The following SGK3 variants were observed in gnomAD, a reference collection of about 807,000 sequenced individuals.
The protein encoded by SGK3 is serum/glucocorticoid regulated kinase family member 3, also known as serine/threonine-protein kinase Sgk3.
Under a neutral mutation model 68.5 loss-of-function variants are expected in SGK3, and 47 were observed. The observed-to-expected ratio is 0.69, with a 90% CI of 0.54 to 0.87. SGK3 has a LOEUF of 0.87. SGK3 is among the 40% of genes least tolerant of loss of function. The probability of loss-of-function intolerance (pLI) is 0.00; values close to 1 mark genes in which losing one functional copy is unlikely to be tolerated. For synonymous variants in SGK3, 181 were observed against 189.1 expected (o/e 0.96, Z 0.35); for missense variants, 479 against 575.5 (o/e 0.83, Z 1.72).
chr8:66,795,530 C>T (rs1254859919), intron 2 of SGK3, among the ~76,000 whole-genome samples: 4 of 152,102 alleles, frequency 2.6e-5, no homozygotes, highest in African/African-American at 9.7e-5. Flanking sequence ...ATTCTTTTCT[C>T]GAGGGGATAC....
intron 16 of SGK3, among the ~76,000 whole-genome samples, chr8:66,854,945 T>C (rs752070431): frequency 6.6e-5 from 10 of 151,762 alleles, no homozygotes; most frequent in Non-Finnish European, 8.8e-5. Context: ...GCCCAGGAGT[T>C]CAAGACCAGC....
At chr8:66,747,559 T>A (rs1219675766) in intron 1 of SGK3, among the ~76,000 whole-genome samples, 2 of 152,028 alleles carry the variant, frequency 1.3e-5, no homozygotes, top group African/African-American at 4.8e-5. Flanking sequence ...TGACTTTTCT[T>A]TTGCCATTTT....
chr8:66,725,022 C>T (rs1235036397), intron 1 of SGK3, among the ~76,000 whole-genome samples: 3 of 152,020 alleles, frequency 2.0e-5, no homozygotes, highest in East Asian at 1.9e-4. Flanking sequence ...GTCAGGAGAT[C>T]GAGACCATCC....
At chr8:66,745,538 C>T (rs1054145210) in intron 1 of SGK3, among the ~76,000 whole-genome samples, 3 of 151,996 alleles carry the variant, frequency 2.0e-5, no homozygotes, top group Non-Finnish European at 4.4e-5. Flanking sequence ...CACGCCACTG[C>T]ACTCCAGCCT....
rs1429261706 is a variant in SGK3 at position 66,836,051 on chromosome 8, C to G, written c.718C>G (p.Leu240Val). The G allele has an allele frequency of 6.2e-7, 1 of 1,612,468 alleles. No homozygotes were observed. The highest frequency in any genetic ancestry group is 1.7e-4 in the Middle Eastern group (1 of 6,044). Residue 240 changes from leucine (L) to valine (V), a missense_variant, in exon 10 of 17, where the codon CTG (leucine) becomes GTG (valine). By Grantham distance (32) the Leu-to-Val change is conservative. This residue lies in a region of SGK3 where 298 missense variants were observed against 329.4 expected (regional missense o/e 0.90). Transcript: ENST00000521198. ...AACAACTGAAAAGCTTTATTTTGTTCTGGATTTTGTTAATGGAGGGGAGGT... is the reference window on the plus strand; with the variant it reads ...AACAACTGAAAAGCTTTATTTTGTTGTGGATTTTGTTAATGGAGGGGAGGT... ...FQTTEKLYFVLDFVNGGELFF... is the reference protein window; with the variant it reads ...FQTTEKLYFVVDFVNGGELFF...
chr8:66,762,319 G>C (rs1806197890), intron 1 of SGK3, among the ~76,000 whole-genome samples: 1 of 152,118 alleles, frequency 6.6e-6, no homozygotes, highest in Admixed American at 6.5e-5. Flanking sequence ...AGGAGATCGA[G>C]ACCATACAAA....
intron 10 of SGK3, among the ~76,000 whole-genome samples, chr8:66,836,313 G>A (rs1003818552): frequency 1.3e-5 from 2 of 152,114 alleles, no homozygotes; most frequent in Admixed American, 1.3e-4. Flanking sequence ...TTCATGGACA[G>A]GTTTGTCACT....
intron 1 of SGK3, among the ~76,000 whole-genome samples, chr8:66,755,308 C>T (rs564947922): frequency 1.5e-3 from 220 of 151,300 alleles, no homozygotes; most frequent in South Asian, 7.1e-3. Context: ...AACAGGCTGT[C>T]AGTCTCTGCC....
chr8:66,767,288 C>T, intron 1 of SGK3: 1 of 692,766 alleles, frequency 1.4e-6, no homozygotes, highest in Non-Finnish European at 2.4e-6. Flanking sequence ...TCCTGTTTTT[C>T]CTTTTAATGG....
intron 1 of SGK3, among the ~76,000 whole-genome samples, chr8:66,715,290 C>T (rs1804600533): frequency 6.6e-6 from 1 of 150,644 alleles, no homozygotes; most frequent in African/African-American, 2.5e-5. Flanking sequence ...CAGAGTCTTG[C>T]TCTGTTGCCC....
chr8:66,840,077 T>C lies in SGK3; in HGVS notation c.816T>C (p.Ser272=). The C allele has an allele frequency of 6.2e-7, 1 of 1,614,118 alleles. No individual in the cohort carries two copies. Among genetic ancestry groups the C allele is most frequent in the Non-Finnish European group, 8.5e-7 (1 of 1,180,000 alleles). ...RARFYAAEIA[S]ALGYLHSIKI... is the part of the protein sequence containing the mutation. ...GGTTTTACGCTGCTGAAATTGCTAGTGCATTGGGTTACTTACATTCCATCA... is the reference window on the plus strand; with the variant it reads ...GGTTTTACGCTGCTGAAATTGCTAGCGCATTGGGTTACTTACATTCCATCA... Residue 272 remains serine, a synonymous_variant, in exon 11 of 17, where the codon AGT becomes AGC. Transcript: ENST00000521198.
intron 1 of SGK3, among the ~76,000 whole-genome samples, chr8:66,778,867 CAGG>C (rs1350304068): frequency 6.6e-6 from 1 of 152,150 alleles, no homozygotes; most frequent in East Asian, 1.9e-4. Context: ...AGGAAACCAT[CAGG>C]AGAAGACAAC....
intron 1 of SGK3, among the ~76,000 whole-genome samples, chr8:66,713,161 A>T (rs1184957215): frequency 6.6e-6 from 1 of 152,178 alleles, no homozygotes; most frequent in Non-Finnish European, 1.5e-5. Flanking sequence ...GGTGCAGGTC[A>T]CCTGCGAGGG....
intron 1 of SGK3, among the ~76,000 whole-genome samples, chr8:66,771,768 T>C (rs1347882535): frequency 6.6e-6 from 1 of 152,192 alleles, no homozygotes; most frequent in Non-Finnish European, 1.5e-5. Context: ...GACTGATTAA[T>C]ATATTTTTAA....
intron 1 of SGK3, among the ~76,000 whole-genome samples, chr8:66,754,495 C>G (rs988824663): frequency 2.0e-5 from 3 of 152,092 alleles, no homozygotes; most frequent in African/African-American, 4.8e-5. Context: ...ATGCTTGGAA[C>G]AGGAAGTGTT....
chr8:66,854,521 G>C (rs1400425057), intron 16 of SGK3, among the ~76,000 whole-genome samples: 2 of 152,114 alleles, frequency 1.3e-5, no homozygotes, highest in Non-Finnish European at 2.9e-5. Context: ...GTCTGGACCT[G>C]GGGGGAGGCT....
intron 1 of SGK3, among the ~76,000 whole-genome samples, chr8:66,740,834 G>T (rs949527120): frequency 1.5e-4 from 22 of 150,478 alleles, no homozygotes; most frequent in African/African-American, 5.4e-4. Flanking sequence ...TCGAACCTGG[G>T]AGATGGAGGA....
intron 1 of SGK3, among the ~76,000 whole-genome samples, chr8:66,732,855 TAA>T (rs113754626): frequency 6.0e-5 from 9 of 149,246 alleles, no homozygotes; most frequent in African/African-American, 2.0e-4. Context: ...TAAATTTTAT[TAA>T]AAAAAAAAAT....
intron 8 of SGK3, among the ~76,000 whole-genome samples, chr8:66,832,910 G>GT (rs113467692): frequency 0.012 from 1,644 of 142,516 alleles, 19 homozygotes; most frequent in African/African-American, 0.03. Context: ...TGTTTGTTTT[G>GT]TTTTTTTTTT....
Sources: allele counts gnomAD v4.1 joint callset (sites outside exome capture counted in the v4.1 genomes callset), GRCh38; gene constraint gnomAD v4.1.1; regional missense constraint gnomAD v4.1.1; transcripts MANE v1.5; gene names NCBI Gene and HGNC (gene_info 2026-07-23, HGNC 2026-07-21).